GFRA2: variants seen among roughly 807,000 people sequenced by gnomAD.
GFRA2 encodes GDNF family receptor alpha 2.
A neutral mutation model predicts 48.3 loss-of-function variants in GFRA2; 17 were observed. The ratio of observed to expected loss-of-function variants is 0.35; its 90% CI spans 0.24 to 0.53. The LOEUF is 0.53. Among genes scored for constraint, GFRA2 ranks in the 20% least tolerant of loss-of-function variants. GFRA2 has a pLI of 0.93. For missense variants in GFRA2, 660 were observed against 637.3 expected (o/e 1.04, Z -0.38); for synonymous variants, 305 against 257.2 (o/e 1.19, Z -1.78).
intron 4 of GFRA2, among the ~76,000 whole-genome samples, chr8:21,718,749 ATTGCTCCATT>A: frequency 6.6e-6 from 1 of 152,304 alleles, no homozygotes; most frequent in Middle Eastern, 3.4e-3. Context: ...CATTGGAATC[ATTGCTCCATT>A]TTGCTAAGGA....
At chr8:21,756,919 G>T (rs889229787) in intron 3 of GFRA2, among the ~76,000 whole-genome samples, 1 of 152,160 alleles carries the variant, frequency 6.6e-6, no homozygotes, top group African/African-American at 2.4e-5. Flanking sequence ...AGCCCTGGTG[G>T]GTCTCCCAGG....
At position 21,693,229 on chromosome 8, in the gene GFRA2, G is replaced by T. The variant is rs73552629; in HGVS notation, c.*49C>A. On this transcript the variant is annotated 3_prime_UTR_variant, in exon 9 of 9. Transcript: ENST00000524240. ...TGTGTTTCCATTTCGTCAGGCGGCT[G>T]TTCTTGTCTGCGTAGCTTTCAAAAA... 6.4e-7 allele frequency: 1 copy of T among 1,566,752 alleles called. No individual in the cohort carries two copies.
At chr8:21,734,492 C>CT (rs916674173) in intron 4 of GFRA2, among the ~76,000 whole-genome samples, 7 of 152,290 alleles carry the variant, frequency 4.6e-5, no homozygotes, top group East Asian at 3.9e-4. Flanking sequence ...CAGTGGTTCT[C>CT]TTTTTTTTCC....
intron 2 of GFRA2, among the ~76,000 whole-genome samples, chr8:21,795,636 A>G (rs1003299151): frequency 2.6e-5 from 4 of 152,034 alleles, no homozygotes; most frequent in Non-Finnish European, 4.4e-5. Flanking sequence ...CAGGTGATCC[A>G]CCCACCTCGG....
At chr8:21,791,086 G>T (rs1807565439), upstream of GFRA2, among the ~76,000 whole-genome samples, 1 of 152,072 alleles carries the variant, frequency 6.6e-6, no homozygotes, top group African/African-American at 2.4e-5. Context: ...CAGAATTTCT[G>T]CTCAGCATAT....
chr8:21,737,503 G>C (rs796692004), intron 4 of GFRA2, among the ~76,000 whole-genome samples: 16 of 152,312 alleles, frequency 1.1e-4, no homozygotes, highest in African/African-American at 3.8e-4. Flanking sequence ...GGACTGGTAG[G>C]TGTGGTGCCT....
chr8:21,782,817 G>A lies in GFRA2; in HGVS notation c.123C>T (p.Val41=). 7.0e-6 allele frequency: 11 copies of A among 1,575,870 alleles called. No individual in the cohort carries two copies. Among genetic ancestry groups the A allele is most frequent in the Non-Finnish European group, 9.4e-6 (11 of 1,166,824 alleles). The part of the protein sequence containing the change: ...LHGWRPPVDC[V]RANELCAAES... ...CGGCGGCACACAGCTCATTGGCCCG[G>A]ACACAGTCCACTGGGGGGCGCCAGC... The change falls in exon 2 of 9, where the codon GTC becomes GTT. Residue 41 remains valine (V), a synonymous_variant. Transcript: ENST00000524240.
intron 4 of GFRA2, among the ~76,000 whole-genome samples, chr8:21,745,167 C>T (rs116239202): frequency 0.011 from 1,700 of 152,364 alleles, 30 homozygotes; most frequent in African/African-American, 0.038. Context: ...AGGCCTGCCA[C>T]GCAGTGTGCC....
chr8:21,741,253 C>T (rs1372555068), intron 4 of GFRA2, among the ~76,000 whole-genome samples: 3 of 152,172 alleles, frequency 2.0e-5, no homozygotes, highest in African/African-American at 7.2e-5. Flanking sequence ...GCCCCGCTGC[C>T]CCAGCCACAC....
At chr8:21,809,562 C>A (rs529180084) in intron 1 of GFRA2, among the ~76,000 whole-genome samples, 1 of 152,098 alleles carries the variant, frequency 6.6e-6, no homozygotes, top group Non-Finnish European at 1.5e-5. Flanking sequence ...CTCCTGACCT[C>A]GTGATCCGCC....
chr8:21,776,076 C>G (rs1806690346), intron 2 of GFRA2, among the ~76,000 whole-genome samples: 1 of 150,128 alleles, frequency 6.7e-6, no homozygotes, highest in South Asian at 2.1e-4. Context: ...AGACTCATTT[C>G]CCATCCAGGC....
chr8:21,720,217 A>G (rs1803529475), intron 4 of GFRA2, among the ~76,000 whole-genome samples: 1 of 152,218 alleles, frequency 6.6e-6, no homozygotes, highest in South Asian at 2.1e-4. Context: ...ACTCAGTGGC[A>G]TTTTAGGCTG....
chr8:21,692,102 G>C lies in GFRA2; in HGVS notation c.*1176C>G, dbSNP rs1012018531. ...CACCAGAGCCCAGCCAGGCTGACTGGGGCAGGGCACTGCGGGGCCAATGTC... is the reference window on the plus strand; with the variant it reads ...CACCAGAGCCCAGCCAGGCTGACTGCGGCAGGGCACTGCGGGGCCAATGTC... On this transcript the variant is annotated 3_prime_UTR_variant, in exon 9 of 9. Transcript: ENST00000524240. The C allele has an allele frequency of 2.0e-5, 3 of 152,596 alleles. No individual in the cohort carries two copies. The allele number at this position is 152,596 out of a possible 1,614,324, so 9.5% of individuals were successfully genotyped here. A position where few individuals can be genotyped will look rare whatever the true frequency, so the allele number is the denominator to read the frequency against.
intron 5 of GFRA2, 39 bp downstream of exon 5, chr8:21,705,893 C>T: frequency 7.3e-7 from 1 of 1,379,310 alleles, no homozygotes. Context: ...ATGGGGGCAG[C>T]AAGGACCCAC....
At chr8:21,710,940 T>C (rs1188088425) in intron 4 of GFRA2, among the ~76,000 whole-genome samples, 2 of 152,120 alleles carry the variant, frequency 1.3e-5, no homozygotes, top group Non-Finnish European at 2.9e-5. Context: ...TTGCTAAAGT[T>C]TCTCTCTGCC....
chr8:21,806,524 G>A (rs1001232331), intron 1 of GFRA2, among the ~76,000 whole-genome samples: 1 of 152,188 alleles, frequency 6.6e-6, no homozygotes, highest in African/African-American at 2.4e-5. Context: ...GGAGTGCAGA[G>A]GCACGATCAT....
chr8:21,695,772 A>AC (rs1431606048), intron 7 of GFRA2, among the ~76,000 whole-genome samples: 1 of 151,660 alleles, frequency 6.6e-6, no homozygotes. Flanking sequence ...GAACACGCCC[A>AC]CCCCCTCAGA....
At chr8:21,788,988 CCTCCGCCCCGGG>C (rs1807427073), upstream of GFRA2, among the ~76,000 whole-genome samples, 1 of 150,960 alleles carries the variant, frequency 6.6e-6, no homozygotes, top group Non-Finnish European at 1.5e-5. Context: ...GCGCCCCTCT[CCTCCGCCCCGGG>C]CTCGGCGCTC....
At position 21,693,315 on chromosome 8, in the gene GFRA2, G is replaced by A. The variant is rs772561040; in HGVS notation, c.1358C>T (p.Thr453Ile). ...TTTCAGCATCAGGACAGACAGCACG[G>A]TCAAGGCAGCCGACGGTCTGGCTCT... ...PSRARPSAAL[T>I]VLSVLMLKLA... Residue 453 changes from threonine (T) to isoleucine (I), a missense_variant, in exon 9 of 9, where the codon ACC (threonine) becomes ATC (isoleucine). Physicochemically the swap from Thr to Ile is moderately conservative, Grantham distance 89. Coordinates refer to ENST00000524240, the MANE Select transcript of GFRA2 (RefSeq NM_001495.5). The A allele has an allele frequency of 6.2e-7, 1 of 1,613,684 alleles. No individual in the cohort carries two copies. The highest frequency in any genetic ancestry group is 1.1e-5 in the South Asian group (1 of 91,024).
Sources: gnomAD v4.1 joint callset for allele counts (sites outside exome capture counted in the v4.1 genomes callset) on GRCh38, gnomAD v4.1.1 for gene constraint, MANE v1.5 for transcripts, NCBI Gene and HGNC (gene_info 2026-07-23, HGNC 2026-07-21) for gene names.